The following MEIOB variants were observed in gnomAD, a reference collection of about 807,000 sequenced individuals.
MEIOB encodes the protein meiosis specific with OB-fold.
A neutral mutation model predicts 53.1 loss-of-function variants in MEIOB; 50 were observed. The ratio of observed to expected loss-of-function variants is 0.94; its 90% CI spans 0.75 to 1.19. The LOEUF (loss-of-function observed/expected upper bound fraction) is 1.19. MEIOB is among the 50% of genes most tolerant of loss of function. The probability of loss-of-function intolerance (pLI) is 0.00; values close to 1 mark genes in which losing one functional copy is unlikely to be tolerated. For missense variants in MEIOB, 551 were observed against 550.8 expected (o/e 1.00, Z 0.00); for synonymous variants, 192 against 182.5 (o/e 1.05, Z -0.42).
At chr16:1,871,262 C>G (rs974454695) in intron 1 of MEIOB, among the ~76,000 whole-genome samples, 1 of 150,880 alleles carries the variant, frequency 6.6e-6, no homozygotes, top group African/African-American at 2.4e-5. Flanking sequence ...CTCTGTCGCC[C>G]AGGCTGGAGC....
intron 12 of MEIOB, among the ~76,000 whole-genome samples, chr16:1,838,552 C>T (rs1301114215): frequency 7.9e-5 from 12 of 152,144 alleles, no homozygotes; most frequent in Admixed American, 7.9e-4. Context: ...AAACGTGTAG[C>T]TGACTTTATG....
chr16:1,862,245 T>C, intron 3 of MEIOB, 129 bp from the exon 4 acceptor site: 2 of 691,632 alleles, frequency 2.9e-6, no homozygotes, highest in Non-Finnish European at 4.7e-6. Flanking sequence ...ATCAAATAAC[T>C]ATTGATTATG....
At chr16:1,865,418 C>T (rs1369534772) in intron 3 of MEIOB, among the ~76,000 whole-genome samples, 1 of 126,030 alleles carries the variant, frequency 7.9e-6, no homozygotes, top group Non-Finnish European at 1.7e-5. Flanking sequence ...AGTGACAGAG[C>T]GAGCCTCCAT....
intron 9 of MEIOB, among the ~76,000 whole-genome samples, chr16:1,852,044 C>G (rs981220226): frequency 6.6e-6 from 1 of 152,116 alleles, no homozygotes; most frequent in African/African-American, 2.4e-5. Context: ...ATCATCTGGG[C>G]ATTTAATGTG....
chr16:1,836,655 G>C (rs528643603), intron 13 of MEIOB, among the ~76,000 whole-genome samples: 4 of 151,962 alleles, frequency 2.6e-5, no homozygotes, highest in African/African-American at 9.6e-5. Context: ...AGATGTGTTG[G>C]TGGCCATGGA....
At chr16:1,847,103 C>T (rs184940203) in intron 9 of MEIOB, among the ~76,000 whole-genome samples, 55 of 152,026 alleles carry the variant, frequency 3.6e-4, no homozygotes, top group Non-Finnish European at 6.8e-4. Flanking sequence ...TGCAGTAAGC[C>T]GAGATCACGC....
intron 9 of MEIOB, among the ~76,000 whole-genome samples, chr16:1,847,595 G>C (rs1251530552): frequency 3.3e-5 from 5 of 151,076 alleles, no homozygotes; most frequent in Non-Finnish European, 5.9e-5. Flanking sequence ...AAGAAGAAAA[G>C]AGAAGAGGGG....
chr16:1,856,969 GCC>G (rs5815102), intron 6 of MEIOB, among the ~76,000 whole-genome samples: 1 of 151,766 alleles, frequency 6.6e-6, no homozygotes, highest in Non-Finnish European at 1.5e-5. Context: ...TCACCATGTT[GCC>G]CCAGGCTGGT....
rs868037182 is a variant in MEIOB, at chr16:1,842,277, T to G, written c.881-304A>C. 6.7e-4 allele frequency among the ~76,000 whole-genome samples: 102 copies of G among 152,008 alleles called. 2 individuals are homozygous for G. The highest frequency in any genetic ancestry group is 3.4e-3 in the Middle Eastern group (1 of 294). On this transcript the variant is annotated intron_variant, in intron 10 of 13. Coordinates refer to ENST00000325962, the MANE Select transcript of MEIOB (RefSeq NM_001163560.3). ...AGCAGTCTACAATGAGATAAAGGAC[T>G]CATCCAGAATTATCTAAAGAATTCT...
chr16:1,844,539 G>T (rs140642808), intron 10 of MEIOB, among the ~76,000 whole-genome samples: 2 of 151,918 alleles, frequency 1.3e-5, no homozygotes, highest in Admixed American at 6.6e-5. Context: ...TCAGCTCACT[G>T]CAACCTCCAC....
At chr16:1,850,484 G>A (rs1899139957) in intron 9 of MEIOB, among the ~76,000 whole-genome samples, 1 of 151,992 alleles carries the variant, frequency 6.6e-6, no homozygotes, top group Non-Finnish European at 1.5e-5. Context: ...GCTGGAACAG[G>A]AGAATCGCTT....
chr16:1,855,084 A>C (rs1380658329), intron 6 of MEIOB, among the ~76,000 whole-genome samples: 1 of 151,996 alleles, frequency 6.6e-6, no homozygotes, highest in African/African-American at 2.4e-5. Context: ...ATTAAAAAGG[A>C]GTTTTAAAGT....
chr16:1,844,024 C>A (rs1485480711), intron 10 of MEIOB, among the ~76,000 whole-genome samples: 1 of 151,328 alleles, frequency 6.6e-6, no homozygotes, highest in South Asian at 2.1e-4. Context: ...ATTTTTATGT[C>A]TTTATCCTTC....
At chr16:1,867,737 G>A (rs1047641132) in intron 2 of MEIOB, among the ~76,000 whole-genome samples, 2 of 152,004 alleles carry the variant, frequency 1.3e-5, no homozygotes, top group Non-Finnish European at 2.9e-5. Flanking sequence ...CTCCCAAAGT[G>A]CTGGGATTAC....
At chr16:1,853,006 C>T (rs1402984730) in intron 9 of MEIOB, 33 bp downstream of exon 9, 3 of 1,300,624 alleles carry the variant, frequency 2.3e-6, no homozygotes, top group African/African-American at 1.5e-5. Flanking sequence ...CAGTCATTTC[C>T]AAAGGGATAA....
intron 2 of MEIOB, among the ~76,000 whole-genome samples, chr16:1,867,856 T>A (rs913864729): frequency 2.6e-5 from 4 of 152,206 alleles, no homozygotes; most frequent in Admixed American, 2.6e-4. Flanking sequence ...CATCTATTGA[T>A]CATTTTGAAC....
In MEIOB at chr16:1,842,149, G is replaced by A. The variant is rs574586684; in HGVS notation, c.881-176C>T. On this transcript the variant is annotated intron_variant, in intron 10 of 13. Coordinates refer to ENST00000325962, the MANE Select transcript of MEIOB (RefSeq NM_001163560.3). Reference sequence around the variant, plus strand: ...AATGGACATAAAAGCAAAACATAAGGAAAAAAAGGAAATGAAATTAGTCTT... The same window carrying A: ...AATGGACATAAAAGCAAAACATAAGAAAAAAAAGGAAATGAAATTAGTCTT... Among the ~76,000 whole-genome samples, 580 of 151,850 alleles carry A rather than the reference G, an allele frequency of 3.8e-3. 2 individuals are homozygous for A. Among genetic ancestry groups the A allele is most frequent in the Non-Finnish European group, 4.6e-3 (312 of 67,912 alleles).
At position 1,844,889 on chromosome 16, in the gene MEIOB, C is replaced by G. The variant is rs776088154; in HGVS notation, c.853G>C (p.Asp285His). The G allele has an allele frequency of 6.4e-7, 1 of 1,556,510 alleles. No individual in the cohort carries two copies. Among genetic ancestry groups the G allele is most frequent in the African/African-American group, 1.4e-5 (1 of 73,672 alleles). ...KETNVLDDEI[D>H]SYFKESINLS... ...TTTATGGATTCTTTGAAATAACTGT[C>G]AATTTCATCATCCAGAACATTCGTT... The change falls in exon 10 of 14, where the codon GAC becomes CAC. Residue 285 changes from aspartate (D) to histidine (H), a missense_variant. By Grantham distance (81) the Asp-to-His change is moderately conservative (BLOSUM62 -1). Transcript: ENST00000325962.
intron 3 of MEIOB, 118 bp from the exon 4 acceptor site, chr16:1,862,234 A>AT: frequency 1.3e-6 from 1 of 762,740 alleles, no homozygotes; most frequent in Non-Finnish European, 2.1e-6. Context: ...TTATTTGTTT[A>AT]ATCAAATAAC....
Sources: gnomAD v4.1 joint callset for allele counts (sites outside exome capture counted in the v4.1 genomes callset) on GRCh38, gnomAD v4.1.1 for gene constraint, MANE v1.5 for transcripts, NCBI Gene and HGNC (gene_info 2026-07-23, HGNC 2026-07-21) for gene names.